SMC1A: variants seen among roughly 807,000 people sequenced by gnomAD.
The protein encoded by SMC1A is structural maintenance of chromosomes 1A.
Under a neutral mutation model 94.5 loss-of-function variants are expected in SMC1A, and 4 were observed. That is an observed-to-expected ratio of 0.04 (90% CI 0.02 to 0.10). The LOEUF (loss-of-function observed/expected upper bound fraction) is 0.10. Among genes scored for constraint, SMC1A ranks in the 10% least tolerant of loss-of-function variants. SMC1A has a pLI of 1.00. For synonymous variants in SMC1A, 345 were observed against 347.7 expected (o/e 0.99, Z 0.09); for missense variants, 304 against 989.0 (o/e 0.31, Z 9.29).
chrX:53,403,964 G>A, intron 13 of SMC1A, 71 bp from the exon 14 acceptor site: 1 of 738,457 alleles, frequency 1.4e-6, no homozygotes, highest in Non-Finnish European at 2.1e-6. Context: ...GACTGCATTG[G>A]CCCCACAGTC....
intron 3 of SMC1A, 107 bp downstream of exon 3, chrX:53,414,651 C>T (rs1056056364): frequency 6.0e-5 from 34 of 569,162 alleles, no homozygotes; most frequent in African/African-American, 9.0e-5. Context: ...CAAGGTGCTA[C>T]ATTAGTTCAA....
At chrX:53,381,136 GCAA>G in intron 22 of SMC1A, 49 bp from the exon 23 acceptor site, 1 of 527,928 alleles carries the variant, frequency 1.9e-6, no homozygotes, top group Non-Finnish European at 3.4e-6. Flanking sequence ...GGAGGGGGTG[GCAA>G]GGCGGGGTGG....
At chrX:53,395,170 C>T (rs2075646358) in intron 18 of SMC1A, among the ~76,000 whole-genome samples, 1 of 111,500 alleles carries the variant, frequency 9.0e-6, no homozygotes, top group African/African-American at 3.3e-5. Context: ...TAATGAAACT[C>T]TGTCTCTACT....
At chrX:53,393,167 T>C (rs981237404) in intron 19 of SMC1A, among the ~76,000 whole-genome samples, 1 of 111,058 alleles carries the variant, frequency 9.0e-6, no homozygotes, top group Non-Finnish European at 1.9e-5. Context: ...AGAACTTGAA[T>C]CCAATCAAAC....
intron 21 of SMC1A, 41 bp from the exon 22 acceptor site, chrX:53,382,424 G>A (rs782508653): frequency 1.7e-6 from 2 of 1,197,699 alleles, no homozygotes; most frequent in Admixed American, 4.5e-5. Context: ...ATCTGAGACT[G>A]GATGGAGATA....
rs1342267967 is a variant in SMC1A, at chrX:53,394,902, G to A, written c.2863-14C>T. ...CTGGGAGCTACCCTGCAATGGCAAC[G>A]GAGAGTCAAGTGGAGCAGACTGGCC... On this transcript the variant is annotated splice_polypyrimidine_tract_variant and intron_variant, in intron 18 of 24. Coordinates refer to ENST00000322213, the MANE Select transcript of SMC1A (RefSeq NM_006306.4). 23 of 1,037,528 alleles carry A rather than the reference G, an allele frequency of 2.2e-5. No individual in the cohort carries two copies. Among genetic ancestry groups the A allele is most frequent in the South Asian group, 1.3e-4 (7 of 53,023 alleles). The allele number at this position is 1,037,528 out of a possible 1,213,427, so 85.5% of individuals were successfully genotyped here.
chrX:53,398,814 C>T (rs1443406348), intron 16 of SMC1A, among the ~76,000 whole-genome samples: 2 of 111,708 alleles, frequency 1.8e-5, no homozygotes, highest in African/African-American at 3.3e-5. Flanking sequence ...ATAAATAATG[C>T]TTGTTATAAA....
intron 5 of SMC1A, 134 bp from the exon 6 acceptor site, chrX:53,412,387 C>T (rs1239397902): frequency 4.9e-6 from 3 of 610,109 alleles, no homozygotes; most frequent in Non-Finnish European, 7.6e-6. Context: ...GGGCGTAATG[C>T]CCCACAGATC....
intron 1 of SMC1A, among the ~76,000 whole-genome samples, chrX:53,419,622 G>C (rs2075746581): frequency 9.2e-6 from 1 of 109,050 alleles, no homozygotes; most frequent in Non-Finnish European, 1.9e-5. Context: ...TCAGGAGTTT[G>C]AGACCAGCCT....
chrX:53,392,888 A>G (rs2075635153), intron 19 of SMC1A, among the ~76,000 whole-genome samples: 1 of 112,177 alleles, frequency 8.9e-6, no homozygotes, highest in Non-Finnish European at 1.9e-5. Context: ...TCTCTAATGC[A>G]GGACACTTTC....
intron 19 of SMC1A, among the ~76,000 whole-genome samples, chrX:53,392,794 T>C (rs2075634773): frequency 9.0e-6 from 1 of 111,533 alleles, no homozygotes; most frequent in Admixed American, 9.6e-5. Flanking sequence ...TTTCTGATAG[T>C]GTTCCCAAAG....
At chrX:53,394,019 G>A (rs1033843283) in intron 19 of SMC1A, among the ~76,000 whole-genome samples, 2 of 108,547 alleles carry the variant, frequency 1.8e-5, no homozygotes, top group African/African-American at 6.7e-5. Flanking sequence ...CATGATGGCG[G>A]GCACCTGTAA....
chrX:53,387,267 T>C (rs1034916754), intron 19 of SMC1A, among the ~76,000 whole-genome samples: 14 of 112,252 alleles, frequency 1.2e-4, no homozygotes, highest in African/African-American at 4.5e-4. Context: ...AGTGCTGGGA[T>C]TACAGGCGTG....
chrX:53,388,566 ATCATCAAATATC>A (rs1243132607), intron 19 of SMC1A, among the ~76,000 whole-genome samples: 3 of 108,700 alleles, frequency 2.8e-5, no homozygotes, highest in African/African-American at 1.0e-4. Context: ...ACAAAAAAGG[ATCATCAAATATC>A]TCATCAATAA....
chrX:53,421,787 C>T, intron 1 of SMC1A: 1 of 880,278 alleles, frequency 1.1e-6, no homozygotes, highest in Non-Finnish European at 1.6e-6. Flanking sequence ...CAACTTGCAA[C>T]TGAATAACTC....
intron 19 of SMC1A, among the ~76,000 whole-genome samples, chrX:53,390,861 G>A (rs2075625411): frequency 9.6e-6 from 1 of 103,875 alleles, no homozygotes; most frequent in Admixed American, 1.1e-4. Flanking sequence ...ACGCGATGGT[G>A]GGTGCCTGTA....
intron 18 of SMC1A, 90 bp downstream of exon 18, chrX:53,396,133 TTCTC>T (rs1367839167): frequency 1.0e-6 from 1 of 1,004,976 alleles, no homozygotes. Flanking sequence ...CCCACCATCT[TTCTC>T]TCTCTCACTG....
At chrX:53,384,304 C>T (rs1367059983) in intron 19 of SMC1A, among the ~76,000 whole-genome samples, 1 of 105,077 alleles carries the variant, frequency 9.5e-6, no homozygotes, top group African/African-American at 3.5e-5. Flanking sequence ...CGCTCTATTA[C>T]CCAAGCTGGA....
At chrX:53,406,904 G>A (rs2075693262) in intron 9 of SMC1A, among the ~76,000 whole-genome samples, 1 of 111,452 alleles carries the variant, frequency 9.0e-6, no homozygotes, top group African/African-American at 3.3e-5. Flanking sequence ...CACCATGTTG[G>A]CCAGGCTGAT....
Sources: gnomAD v4.1 joint callset for allele counts (sites outside exome capture counted in the v4.1 genomes callset) on GRCh38, gnomAD v4.1.1 for gene constraint, MANE v1.5 for transcripts, NCBI Gene and HGNC (gene_info 2026-07-23, HGNC 2026-07-21) for gene names.